Variants in PCDHGA10 observed in about 807,000 individuals in gnomAD.
PCDHGA10 encodes the protein protocadherin gamma subfamily A, 10.
A neutral mutation model predicts 59.5 loss-of-function variants in PCDHGA10; 42 were observed. That is an observed-to-expected ratio of 0.71 (90% confidence interval 0.55 to 0.91). PCDHGA10 has a LOEUF of 0.91. PCDHGA10 is among the 40% of genes least tolerant of loss of function. PCDHGA10 has a pLI of 0.00. For missense variants in PCDHGA10, 1,111 were observed against 1,198.2 expected (o/e 0.93, Z 1.07); for synonymous variants, 511 against 517.2 (o/e 0.99, Z 0.16).
chr5:141,505,041 C>T (rs1028101225), intron 2 of PCDHGA10, among the ~76,000 whole-genome samples: 4 of 152,142 alleles, frequency 2.6e-5, no homozygotes, highest in African/African-American at 9.7e-5. Flanking sequence ...AGGTGCCTGT[C>T]ATCCCAGCTA....
At chr5:141,430,612 G>A (rs1406353008) in intron 1 of PCDHGA10, 2 of 680,678 alleles carry the variant, frequency 2.9e-6, no homozygotes, top group African/African-American at 3.7e-5. Flanking sequence ...GCACAAAGCA[G>A]ATAGCTAGGA....
intron 1 of PCDHGA10, chr5:141,422,727 G>T (rs373180311): frequency 6.3e-5 from 102 of 1,606,434 alleles, no homozygotes; most frequent in Non-Finnish European, 2.0e-5. Context: ...TCCAGGGGGT[G>T]CCTCTGTCCT....
intron 1 of PCDHGA10, among the ~76,000 whole-genome samples, chr5:141,483,094 G>C (rs1304382782): frequency 6.6e-6 from 1 of 152,058 alleles, no homozygotes; most frequent in African/African-American, 2.4e-5. Context: ...CAAAAAAAAA[G>C]TGTGCGTGTA....
At chr5:141,462,217 C>T (rs1469685983) in intron 1 of PCDHGA10, among the ~76,000 whole-genome samples, 1 of 152,216 alleles carries the variant, frequency 6.6e-6, no homozygotes, top group South Asian at 2.1e-4. Flanking sequence ...GCCTCGGCCT[C>T]CCAAAGTGCA....
chr5:141,428,392 T>A, intron 1 of PCDHGA10: 1 of 497,196 alleles, frequency 2.0e-6, no homozygotes, highest in Admixed American at 3.1e-5. Flanking sequence ...TTCCAGCCCC[T>A]CTGCCTGGGG....
intron 1 of PCDHGA10, among the ~76,000 whole-genome samples, chr5:141,481,647 A>G (rs749515062): frequency 1.6e-4 from 25 of 151,712 alleles, no homozygotes; most frequent in Non-Finnish European, 2.8e-4. Flanking sequence ...GTGAAACTTC[A>G]TCTCTACTAA....
In PCDHGA10 at chr5:141,490,072, G is replaced by A; in HGVS notation, c.2437-4735G>A. On this transcript the variant is annotated intron_variant, in intron 1 of 3. Transcript: ENST00000398610. This position sits in a 1 kb window ranked among gnomAD's most constrained non-coding sequence, Gnocchi z 5.4. ...AGACGAGGGCACCAACGGCCAACTA[G>A]ACTATTCTTTTGGAGACCACACATC... is the stretch of plus-strand genomic sequence containing the variant. The A allele has an allele frequency of 6.2e-7, 1 of 1,614,254 alleles. No homozygotes were observed. The highest frequency in any genetic ancestry group is 8.5e-7 in the Non-Finnish European group (1 of 1,180,042).
In PCDHGA10 at chr5:141,485,798, C is replaced by T. The variant is rs764109672; in HGVS notation, c.2437-9009C>T. The T allele has an allele frequency of 2.0e-5, 32 of 1,614,172 alleles. No individual in the cohort carries two copies. The highest frequency in any genetic ancestry group is 1.1e-4 in the East Asian group (5 of 44,876). ...GGATCGAGAGAAGCAATCGGACTAC[C>T]GCCTGGTGCTGACTGCTGTCGATGG... is the stretch of plus-strand genomic sequence containing the variant. On this transcript the variant is annotated intron_variant, in intron 1 of 3. Coordinates refer to ENST00000398610, the MANE Select transcript of PCDHGA10 (RefSeq NM_018913.3). The surrounding 1 kb of genome is among the most constrained non-coding windows in gnomAD (Gnocchi z 5.7).
At chr5:141,501,103 G>A (rs1449600108) in intron 2 of PCDHGA10, among the ~76,000 whole-genome samples, 9 of 152,078 alleles carry the variant, frequency 5.9e-5, no homozygotes, top group African/African-American at 1.4e-4. Context: ...TCTTGACCTC[G>A]TGATCCGCCT....
chr5:141,510,222 G>A (rs891688596), intron 3 of PCDHGA10, among the ~76,000 whole-genome samples: 3 of 151,498 alleles, frequency 2.0e-5, no homozygotes, highest in Admixed American at 6.6e-5. Context: ...GCAGTGAGCC[G>A]GGATCGCGCC....
chr5:141,428,222 C>A, intron 1 of PCDHGA10: 1 of 1,173,442 alleles, frequency 8.5e-7, no homozygotes, highest in Non-Finnish European at 1.2e-6. Flanking sequence ...CTAGTCTTCG[C>A]AGACAGCCTG....
Position 141,431,423 on chromosome 5 carries a change from C to A in PCDHGA10, c.2436+15812C>A, listed in dbSNP as rs868299769. 20 of 1,613,552 alleles carry A rather than the reference C, an allele frequency of 1.2e-5. No individual in the cohort carries two copies. In the Admixed American group the frequency reaches 2.2e-4, roughly 17 times the overall value. ...GGCCTCCGACGGGGGCGACCCGGTG[C>A]GCACAGGCACCGCGCGCATCCGCGT... On this transcript the variant is annotated intron_variant, in intron 1 of 3. Coordinates refer to ENST00000398610, the MANE Select transcript of PCDHGA10 (RefSeq NM_018913.3). The surrounding 1 kb of genome is among the most constrained non-coding windows in gnomAD (Gnocchi z 4.8).
chr5:141,510,813 C>G, intron 3 of PCDHGA10, 134 bp from the exon 4 acceptor site: 2 of 1,537,024 alleles, frequency 1.3e-6, no homozygotes, highest in Non-Finnish European at 1.8e-6. Context: ...CTTGGTGACC[C>G]CTATATTCCC....
intron 2 of PCDHGA10, among the ~76,000 whole-genome samples, chr5:141,497,390 C>T (rs2099776143): frequency 6.6e-6 from 1 of 152,158 alleles, no homozygotes; most frequent in Non-Finnish European, 1.5e-5. Context: ...GAGCACCTTA[C>T]CCCTGCCTCA....
Position 141,422,740 on chromosome 5 carries a change from T to C in PCDHGA10, c.2436+7129T>C, listed in dbSNP as rs536737009. The C allele has an allele frequency of 2.7e-5, 43 of 1,609,962 alleles. 1 individual carries two copies. In the South Asian group the frequency reaches 4.8e-4, roughly 18 times the overall value. On this transcript the variant is annotated intron_variant, in intron 1 of 3. Transcript: ENST00000398610. ...TGTCCAGGGGGTGCCTCTGTCCTCC[T>C]ATGTCTCTATTAACTCCAACACTGG... is the stretch of plus-strand genomic sequence containing the variant.
chr5:141,477,260 G>A lies in PCDHGA10; in HGVS notation c.2437-17547G>A. On this transcript the variant is annotated intron_variant, in intron 1 of 3. Coordinates refer to ENST00000398610, the MANE Select transcript of PCDHGA10 (RefSeq NM_018913.3). This position sits in a 1 kb window ranked among gnomAD's most constrained non-coding sequence, Gnocchi z 4.9. ...GCTCAGTGTGACTGACCTGGATGCTGGCGAGAACGGGCTGGTGACCTGCGA... is the reference window on the plus strand; with the variant it reads ...GCTCAGTGTGACTGACCTGGATGCTAGCGAGAACGGGCTGGTGACCTGCGA... 6.2e-7 allele frequency: 1 copy of A among 1,614,200 alleles called. No homozygotes were observed. Among genetic ancestry groups the A allele is most frequent in the Non-Finnish European group, 8.5e-7 (1 of 1,180,048 alleles).
intron 1 of PCDHGA10, chr5:141,419,427 A>C: frequency 1.2e-6 from 2 of 1,613,290 alleles, no homozygotes; most frequent in Non-Finnish European, 1.7e-6. Context: ...TTCGACCACG[A>C]GCAGCTGCGC....
chr5:141,448,122 C>A (rs1315243727), intron 1 of PCDHGA10, among the ~76,000 whole-genome samples: 1 of 151,820 alleles, frequency 6.6e-6, no homozygotes, highest in Non-Finnish European at 1.5e-5. Context: ...AAATTAGCCT[C>A]CCCCACCCTC....
At chr5:141,419,878 G>A in intron 1 of PCDHGA10, 2 of 1,614,060 alleles carry the variant, frequency 1.2e-6, no homozygotes, top group Non-Finnish European at 1.7e-6. Context: ...AGGTACTGCC[G>A]GATTTCAGCG....
Sources: allele counts gnomAD v4.1 joint callset (sites outside exome capture counted in the v4.1 genomes callset), GRCh38; gene constraint gnomAD v4.1.1; non-coding constraint Gnocchi (gnomAD v3.1); transcripts MANE v1.5; gene names NCBI Gene and HGNC (gene_info 2026-07-23, HGNC 2026-07-21).